PDE11A: variants seen among roughly 807,000 people sequenced by gnomAD.
PDE11A encodes phosphodiesterase 11A, also known as dual 3',5'-cyclic-AMP and -GMP phosphodiesterase 11A.
Under a neutral mutation model 100.5 loss-of-function variants are expected in PDE11A, and 100 were observed. The ratio of observed to expected loss-of-function variants is 1.00; its 90% CI spans 0.85 to 1.18. The LOEUF (loss-of-function observed/expected upper bound fraction) is 1.18. Ranked by LOEUF, PDE11A falls within the 50% of genes most tolerant of loss-of-function variation. The pLI, the probability that PDE11A is intolerant of heterozygous loss-of-function variation, is 0.00. For synonymous variants in PDE11A, 381 were observed against 420.8 expected (o/e 0.91, Z 1.16); for missense variants, 1,141 against 1,152.6 (o/e 0.99, Z 0.15).
Position 177,749,785 on chromosome 2 carries a change from T to A in PDE11A, c.1788+19538A>T, listed in dbSNP as rs555168689. The stretch of plus-strand genomic sequence containing the variant: ...AATTTCTAAGGCCCTTGGCATGGAG[T>A]ATGGTCACTAGTTTAGTTTAACATG... On this transcript the variant is annotated intron_variant, in intron 10 of 19. Transcript: ENST00000286063. Among the ~76,000 whole-genome samples, 51 of 152,178 alleles carry A rather than the reference T, an allele frequency of 3.4e-4. 1 individual carries two copies. Among genetic ancestry groups the A allele is most frequent in the Non-Finnish European group, 5.4e-4 (37 of 68,034 alleles).
chr2:177,822,523 T>C (rs1028257136), intron 6 of PDE11A, among the ~76,000 whole-genome samples: 2 of 152,094 alleles, frequency 1.3e-5, no homozygotes, highest in South Asian at 4.1e-4. Context: ...TATCTGGTAG[T>C]GCAAATCCTC....
chr2:177,943,377 A>G (rs979588744), intron 2 of PDE11A, among the ~76,000 whole-genome samples: 1 of 151,224 alleles, frequency 6.6e-6, no homozygotes, highest in Non-Finnish European at 1.5e-5. Context: ...TATCCCTACT[A>G]ACATTTGGTC....
At chr2:177,956,249 G>T (rs933654611) in intron 2 of PDE11A, among the ~76,000 whole-genome samples, 5 of 152,188 alleles carry the variant, frequency 3.3e-5, no homozygotes, top group Non-Finnish European at 5.9e-5. Context: ...AGTGGGCGAA[G>T]GATATGAACA....
At chr2:177,996,887 A>G (rs1852501) in intron 2 of PDE11A, among the ~76,000 whole-genome samples, 35,398 of 152,144 alleles carry the variant, frequency 0.23, 4,242 homozygotes, top group African/African-American at 0.27. Flanking sequence ...TTTAGAATGA[A>G]CAGCTCTCAA....
intron 19 of PDE11A, among the ~76,000 whole-genome samples, chr2:177,633,353 G>A (rs2079984356): frequency 6.6e-6 from 1 of 152,194 alleles, no homozygotes; most frequent in South Asian, 2.1e-4. Flanking sequence ...ATGACTCCAA[G>A]CACAACTGCA....
chr2:177,979,922 T>C (rs960941450), intron 2 of PDE11A, among the ~76,000 whole-genome samples: 2 of 150,560 alleles, frequency 1.3e-5, no homozygotes, highest in African/African-American at 4.8e-5. Flanking sequence ...TGATCATTTT[T>C]ATCAAACAAT....
At chr2:177,869,553 C>A (rs1315493120) in intron 5 of PDE11A, among the ~76,000 whole-genome samples, 3 of 152,202 alleles carry the variant, frequency 2.0e-5, no homozygotes, top group Non-Finnish European at 4.4e-5. Context: ...TAAGGGTTCA[C>A]ATGATTACAT....
intron 2 of PDE11A, among the ~76,000 whole-genome samples, chr2:177,993,209 T>A (rs913747455): frequency 1.3e-5 from 2 of 152,090 alleles, no homozygotes; most frequent in South Asian, 4.1e-4. Context: ...TGGTAGAGAG[T>A]AGGGCTAGGG....
chr2:177,872,803 T>C (rs1447192882), intron 5 of PDE11A, among the ~76,000 whole-genome samples: 1 of 152,138 alleles, frequency 6.6e-6, no homozygotes, highest in South Asian at 2.1e-4. Flanking sequence ...GTCCCTTCCA[T>C]GTCACTGGTG....
intron 5 of PDE11A, among the ~76,000 whole-genome samples, chr2:177,855,103 A>G (rs1300998558): frequency 1.3e-5 from 2 of 152,128 alleles, no homozygotes; most frequent in Admixed American, 1.3e-4. Context: ...TTGTTTATAC[A>G]AAACACCTAT....
intron 2 of PDE11A, among the ~76,000 whole-genome samples, chr2:177,911,922 T>C (rs1559003325): frequency 6.6e-6 from 1 of 151,968 alleles, no homozygotes; most frequent in Non-Finnish European, 1.5e-5. Context: ...GATGATTCAA[T>C]TACATGTCTT....
rs975022679 is a variant in PDE11A, at chr2:177,624,559, G to A, written c.*4848C>T. ...GGCAGCATTAATATTAGATAATATT[G>A]TTATTACACTAACACAAAATGTTAA... On this transcript the variant is annotated 3_prime_UTR_variant, in exon 20 of 20. Transcript: ENST00000286063. 2.0e-5 allele frequency: 3 copies of A among 152,100 alleles called. No homozygotes were observed. Among genetic ancestry groups the A allele is most frequent in the African/African-American group, 7.2e-5 (3 of 41,414 alleles). The allele number at this position is 152,100 out of a possible 1,614,324, so 9.4% of individuals were successfully genotyped here. A position where few individuals can be genotyped will look rare whatever the true frequency, so the allele number is the denominator to read the frequency against.
chr2:178,072,415 A>C lies in PDE11A; in HGVS notation c.23T>G (p.Phe8Cys). The change falls in exon 1 of 20, where the codon TTT becomes TGT. Residue 8 changes from phenylalanine (F) to cysteine (C), a missense_variant. By Grantham distance (205) the Phe-to-Cys change is radical. Coordinates refer to ENST00000286063, the MANE Select transcript of PDE11A (RefSeq NM_016953.4). MAASRLD[F>C]GEVETFLDRH... ...GTCCAGGAAAGTTTCCACCTCCCCA[A>C]AGTCCAGGCGGGAGGCTGCCATGGT... The C allele has an allele frequency of 4.3e-6, 7 of 1,613,394 alleles. No individual in the cohort carries two copies. The highest frequency in any genetic ancestry group is 5.9e-6 in the Non-Finnish European group (7 of 1,180,024).
In PDE11A at chr2:177,627,952, G is replaced by C. The variant is rs2079860941; in HGVS notation, c.*1455C>G. 4 of 152,194 alleles carry C rather than the reference G, an allele frequency of 2.6e-5. No homozygotes were observed. The highest frequency in any genetic ancestry group is 2.6e-4 in the Admixed American group (4 of 15,280). 9.4% of individuals were successfully genotyped at this position (152,194 alleles called of 1,614,324 possible). On this transcript the variant is annotated 3_prime_UTR_variant, in exon 20 of 20. Transcript: ENST00000286063. ...TGGCTCTCAGGTTTAATCTAGGCCAGGGATTTTCAAACTCTTCAGAGTCCC... is the reference window on the plus strand; with the variant it reads ...TGGCTCTCAGGTTTAATCTAGGCCACGGATTTTCAAACTCTTCAGAGTCCC...
chr2:177,928,134 G>T, intron 2 of PDE11A, among the ~76,000 whole-genome samples: 1 of 142,916 alleles, frequency 7.0e-6, no homozygotes, highest in Non-Finnish European at 1.5e-5. Flanking sequence ...AAAGCCATGA[G>T]ATAGAGGAAA....
intron 4 of PDE11A, among the ~76,000 whole-genome samples, chr2:177,881,796 T>C (rs925153766): frequency 2.6e-5 from 4 of 152,260 alleles, no homozygotes; most frequent in Admixed American, 2.0e-4. Flanking sequence ...AGTGAATAGT[T>C]GCAATTGAGA....
At chr2:177,740,234 A>G (rs2081853041) in intron 10 of PDE11A, among the ~76,000 whole-genome samples, 1 of 152,228 alleles carries the variant, frequency 6.6e-6, no homozygotes, top group Non-Finnish European at 1.5e-5. Flanking sequence ...TTGGAAATGA[A>G]ATTATATTTG....
upstream of PDE11A, chr2:178,072,982 T>C (rs2087159361): frequency 1.0e-6 from 1 of 985,318 alleles, no homozygotes; most frequent in Non-Finnish European, 1.2e-6. Context: ...TGGAACACGA[T>C]TAGAAGAGGG....
intron 2 of PDE11A, among the ~76,000 whole-genome samples, chr2:177,936,533 A>C (rs1022496707): frequency 3.3e-5 from 5 of 152,248 alleles, no homozygotes; most frequent in African/African-American, 9.6e-5. Flanking sequence ...AGGTCTCTAA[A>C]GATTTCCCAT....
Sources: gnomAD v4.1 joint callset for allele counts (sites outside exome capture counted in the v4.1 genomes callset) on GRCh38, gnomAD v4.1.1 for gene constraint, MANE v1.5 for transcripts, NCBI Gene and HGNC (gene_info 2026-07-23, HGNC 2026-07-21) for gene names.